The following KCNQ4 variants were observed in gnomAD, a reference collection of about 807,000 sequenced individuals.
KCNQ4 encodes the protein potassium voltage-gated channel subfamily KQT member 4.
KCNQ4 carries 31 observed loss-of-function variants against 72.6 expected under a neutral mutation model. The ratio of observed to expected loss-of-function variants is 0.43; its 90% CI spans 0.32 to 0.58. KCNQ4 has a LOEUF of 0.58. Among genes scored for constraint, KCNQ4 ranks in the 20% least tolerant of loss-of-function variants. The pLI, the probability that KCNQ4 is intolerant of heterozygous loss-of-function variation, is 0.08. For missense variants in KCNQ4, 869 were observed against 962.6 expected (o/e 0.90, Z 1.29); for synonymous variants, 405 against 403.7 (o/e 1.00, Z -0.04).
At chr1:40,798,573 G>A (rs1393634105) in intron 1 of KCNQ4, among the ~76,000 whole-genome samples, 1 of 152,238 alleles carries the variant, frequency 6.6e-6, no homozygotes, top group Non-Finnish European at 1.5e-5. Context: ...CTTGCCCAAG[G>A]TCATTCAGCT....
rs557393814 is a variant in KCNQ4 at position 40,834,881 on chromosome 1, A to G, written c.1614-86A>G. ...AGCAGGAGGTGCCCTGGTGCTGGAC[A>G]AGGGGATAGCAAAGAGATGGAGAGG... On this transcript the variant is annotated intron_variant, in intron 11 of 13. Coordinates refer to ENST00000347132, the MANE Select transcript of KCNQ4 (RefSeq NM_004700.4). The G allele has an allele frequency of 1.9e-6, 3 of 1,565,094 alleles. No individual in the cohort carries two copies. In the East Asian group the frequency reaches 7.0e-5, roughly 36 times the overall value.
chr1:40,787,260 T>C (rs1647212243), intron 1 of KCNQ4, among the ~76,000 whole-genome samples: 1 of 151,858 alleles, frequency 6.6e-6, no homozygotes, highest in Non-Finnish European at 1.5e-5. Flanking sequence ...ACACAATTAC[T>C]TGGGAGGCTG....
intron 1 of KCNQ4, among the ~76,000 whole-genome samples, chr1:40,791,822 T>A (rs542995153): frequency 6.6e-6 from 1 of 152,074 alleles, no homozygotes; most frequent in African/African-American, 2.4e-5. Context: ...GCAGAGGAGA[T>A]GGAGGTCAGA....
chr1:40,833,863 G>A (rs773849954), intron 11 of KCNQ4, among the ~76,000 whole-genome samples: 1 of 150,692 alleles, frequency 6.6e-6, no homozygotes. Flanking sequence ...TAAAAAATTA[G>A]CCAGGCATGT....
intron 1 of KCNQ4, among the ~76,000 whole-genome samples, chr1:40,792,827 G>A (rs1223433981): frequency 6.6e-6 from 1 of 151,976 alleles, no homozygotes; most frequent in African/African-American, 2.4e-5. Context: ...TTACAGACAG[G>A]GGGATTAAGG....
At position 40,822,362 on chromosome 1, in the gene KCNQ4, G is replaced by A. The variant is rs756495387; in HGVS notation, c.1090G>A (p.Ala364Thr). 7.3e-7 allele frequency: 1 copy of A among 1,376,444 alleles called. No homozygotes were observed. The highest frequency in any genetic ancestry group is 9.6e-7 in the Non-Finnish European group (1 of 1,037,620). 85.3% of individuals were successfully genotyped at this position (1,376,444 alleles called of 1,614,324 possible). A position where few individuals can be genotyped will look rare whatever the true frequency, so the allele number is the denominator to read the frequency against. ...CGATATGAGCCGGGCCTACCTGACAGCCACCTGGTACTACTATGACAGTAT... is the reference window on the plus strand; with the variant it reads ...CGATATGAGCCGGGCCTACCTGACAACCACCTGGTACTACTATGACAGTAT... The part of the protein sequence containing the change: ...STDMSRAYLT[A>T]TWYYYDSILP... The change falls in exon 8 of 14, where the codon GCC becomes ACC. Residue 364 changes from alanine (A) to threonine (T), a missense_variant. Ala to Thr is a moderately conservative substitution (Grantham distance 58). Coordinates refer to ENST00000347132, the MANE Select transcript of KCNQ4 (RefSeq NM_004700.4).
At chr1:40,824,076 T>C in intron 8 of KCNQ4, 21 bp from the exon 9 acceptor site, 1 of 1,549,902 alleles carries the variant, frequency 6.5e-7, no homozygotes, top group South Asian at 1.2e-5. Context: ...TGCCTGCCAC[T>C]GATGGTGCCC....
chr1:40,811,003 G>A, intron 1 of KCNQ4, among the ~76,000 whole-genome samples: 1 of 152,170 alleles, frequency 6.6e-6, no homozygotes, highest in East Asian at 1.9e-4. Flanking sequence ...CTTTTAAAGT[G>A]TTCAGTTCAG....
In KCNQ4 at chr1:40,788,863, C is replaced by T. The variant is rs1647231058; in HGVS notation, c.314+4456C>T. Among the ~76,000 whole-genome samples the T allele has an allele frequency of 1.3e-5, 2 of 152,242 alleles. No individual in the cohort carries two copies. The highest frequency in any genetic ancestry group is 4.8e-5 in the African/African-American group (2 of 41,460). Reference sequence around the variant, plus strand: ...GCTGCGTACCTGTCTGAATGTCTCACACATGCACTCACTGCAACATCGACA... The same window carrying T: ...GCTGCGTACCTGTCTGAATGTCTCATACATGCACTCACTGCAACATCGACA... On this transcript the variant is annotated intron_variant, in intron 1 of 13. Transcript: ENST00000347132. This position sits in a 1 kb window ranked among gnomAD's most constrained non-coding sequence, Gnocchi z 4.5.
At chr1:40,834,122 C>T (rs1341088201) in intron 11 of KCNQ4, among the ~76,000 whole-genome samples, 1 of 151,850 alleles carries the variant, frequency 6.6e-6, no homozygotes, top group Non-Finnish European at 1.5e-5. Flanking sequence ...CCTCCATGTG[C>T]CCAGTGTCAA....
intron 5 of KCNQ4, 130 bp downstream of exon 5, chr1:40,819,602 A>AC (rs1487908313): frequency 6.2e-6 from 8 of 1,289,966 alleles, no homozygotes; most frequent in Non-Finnish European, 7.6e-6. Context: ...TAGAGCTGGG[A>AC]CCCCCCTGAG....
At chr1:40,795,102 C>T (rs1647375104) in intron 1 of KCNQ4, among the ~76,000 whole-genome samples, 1 of 152,096 alleles carries the variant, frequency 6.6e-6, no homozygotes, top group African/African-American at 2.4e-5. Context: ...TGATGCCAGG[C>T]AGGTGACCCA....
chr1:40,790,956 G>C (rs1647269110), intron 1 of KCNQ4, among the ~76,000 whole-genome samples: 1 of 152,180 alleles, frequency 6.6e-6, no homozygotes, highest in South Asian at 2.1e-4. Context: ...CCACTGTGCG[G>C]CCGAGTTTGG....
At chr1:40,821,300 T>C (rs1475983655) in intron 7 of KCNQ4, among the ~76,000 whole-genome samples, 1 of 152,206 alleles carries the variant, frequency 6.6e-6, no homozygotes, top group East Asian at 1.9e-4. Context: ...AGTAAAAATA[T>C]TCCTGTCTTA....
chr1:40,803,453 A>G (rs1053935469), intron 1 of KCNQ4, among the ~76,000 whole-genome samples: 1 of 152,054 alleles, frequency 6.6e-6, no homozygotes, highest in Non-Finnish European at 1.5e-5. Flanking sequence ...CTGCCCCCCA[A>G]TCCTGACACC....
intron 1 of KCNQ4, among the ~76,000 whole-genome samples, chr1:40,800,740 G>A (rs544625310): frequency 2.0e-4 from 30 of 152,344 alleles, no homozygotes; most frequent in African/African-American, 7.0e-4. Flanking sequence ...CCTTGCCCTA[G>A]AGGGATGGAT....
At chr1:40,789,297 G>T (rs1647237132) in intron 1 of KCNQ4, among the ~76,000 whole-genome samples, 2 of 152,192 alleles carry the variant, frequency 1.3e-5, no homozygotes, top group African/African-American at 4.8e-5. Flanking sequence ...GTCACACCTA[G>T]TGAGTTAGTG....
chr1:40,794,064 T>C lies in KCNQ4; in HGVS notation c.314+9657T>C, dbSNP rs1647342285. ...TAAGGATGAGAAGGGTTTTGCCAAC[T>C]AGAGAGAAGTGGAGAAAAGACCCCT... On this transcript the variant is annotated intron_variant, in intron 1 of 13. Transcript: ENST00000347132. This position sits in a 1 kb window ranked among gnomAD's most constrained non-coding sequence, Gnocchi z 4.2. 6.6e-6 allele frequency among the ~76,000 whole-genome samples: 1 copy of C among 152,154 alleles called. No homozygotes were observed. Among genetic ancestry groups the C allele is most frequent in the African/African-American group, 2.4e-5 (1 of 41,420 alleles).
At chr1:40,821,500 TCTC>T (rs1471707634) in intron 7 of KCNQ4, among the ~76,000 whole-genome samples, 7 of 152,084 alleles carry the variant, frequency 4.6e-5, no homozygotes, top group African/African-American at 1.4e-4. Context: ...AGGGACAGTC[TCTC>T]CTCCTGTCTG....
Sources: allele counts gnomAD v4.1 joint callset (sites outside exome capture counted in the v4.1 genomes callset), GRCh38; gene constraint gnomAD v4.1.1; non-coding constraint Gnocchi (gnomAD v3.1); transcripts MANE v1.5; gene names NCBI Gene and HGNC (gene_info 2026-07-23, HGNC 2026-07-21).